ADGRD1: variants seen among roughly 807,000 people sequenced by gnomAD.
The protein encoded by ADGRD1 is G-protein coupled receptor 133.
A neutral mutation model predicts 113.4 loss-of-function variants in ADGRD1; 77 were observed. The ratio of observed to expected loss-of-function variants is 0.68; its 90% CI spans 0.57 to 0.82. The LOEUF (loss-of-function observed/expected upper bound fraction) is 0.82. ADGRD1 is among the 40% of genes least tolerant of loss of function. ADGRD1 has a pLI of 0.00. For missense variants in ADGRD1, 1,036 were observed against 1,139.1 expected (o/e 0.91, Z 1.30); for synonymous variants, 474 against 475.0 (o/e 1.00, Z 0.03).
intron 12 of ADGRD1, among the ~76,000 whole-genome samples, chr12:131,007,483 G>A (rs1037671250): frequency 2.0e-5 from 3 of 152,232 alleles, no homozygotes; most frequent in Non-Finnish European, 2.9e-5. Context: ...GCTCTGGGGA[G>A]CCCACAGCCT....
rs1293208943 is a variant in ADGRD1 at position 131,113,534 on chromosome 12, A to G, written c.2041+4657A>G. On this transcript the variant is annotated intron_variant, in intron 18 of 24. Coordinates refer to ENST00000261654, the MANE Select transcript of ADGRD1 (RefSeq NM_198827.5). The surrounding 1 kb of genome is among the most constrained non-coding windows in gnomAD (Gnocchi z 4.9). The stretch of plus-strand genomic sequence containing the variant: ...TTAATTTTCACAGTCTTTGTTATGC[A>G]AGTAGCAGGTAAACAGGCTTACTTT... Among the ~76,000 whole-genome samples the G allele has an allele frequency of 6.6e-6, 1 of 152,220 alleles. No individual in the cohort carries two copies. The highest frequency in any genetic ancestry group is 1.5e-5 in the Non-Finnish European group (1 of 68,022).
intron 13 of ADGRD1, among the ~76,000 whole-genome samples, chr12:131,059,918 CG>C (rs1192308398): frequency 6.6e-6 from 1 of 151,964 alleles, no homozygotes. Flanking sequence ...GAGATTTTTC[CG>C]GTTCTCGGTA....
chr12:130,975,493 T>G lies in ADGRD1; in HGVS notation c.310+3913T>G, dbSNP rs544912080. Among the ~76,000 whole-genome samples, 56 of 152,274 alleles carry G rather than the reference T, an allele frequency of 3.7e-4. 1 individual carries two copies. The South Asian group carries it at 0.011, about 29-fold the overall frequency. ...GGGCCATTCACGACTCCTAGAGAAA[T>G]CATTTCCCCTACATTGAACCTATAG... On this transcript the variant is annotated intron_variant, in intron 4 of 24. Transcript: ENST00000261654.
At chr12:131,056,833 C>T (rs374187163) in intron 13 of ADGRD1, among the ~76,000 whole-genome samples, 34 of 152,248 alleles carry the variant, frequency 2.2e-4, no homozygotes, top group South Asian at 1.0e-3. Flanking sequence ...ACAAAGCACA[C>T]GCTTCTGGAT....
At chr12:130,996,772 T>G in intron 8 of ADGRD1, among the ~76,000 whole-genome samples, 1 of 78,026 alleles carries the variant, frequency 1.3e-5, no homozygotes, top group African/African-American at 4.9e-5. Flanking sequence ...CACTTCCCAG[T>G]AGGGGTGGCC....
At chr12:131,059,855 T>C (rs577924880) in intron 13 of ADGRD1, among the ~76,000 whole-genome samples, 35 of 152,372 alleles carry the variant, frequency 2.3e-4, no homozygotes, top group African/African-American at 8.2e-4. Context: ...TTAATTTCAC[T>C]GTCTGCATCA....
At position 131,022,042 on chromosome 12, in the gene ADGRD1, AG is replaced by A. The variant is rs1433404219; in HGVS notation, c.1473+7705del. Among the ~76,000 whole-genome samples the A allele has an allele frequency of 7.9e-5, 12 of 152,130 alleles. No individual in the cohort carries two copies. The highest frequency in any genetic ancestry group is 5.9e-4 in the Admixed American group (9 of 15,278). ...ATAAGGATACTGGTCACGTTGGATT[AG>A]GGCCTACTCTAATGACCTCATTTTA... On this transcript the variant is annotated intron_variant, in intron 13 of 24. Transcript: ENST00000261654. This position sits in a 1 kb window ranked among gnomAD's most constrained non-coding sequence, Gnocchi z 4.6.
intron 21 of ADGRD1, 43 bp downstream of exon 21, chr12:131,131,859 C>A: frequency 1.6e-6 from 2 of 1,274,024 alleles, no homozygotes; most frequent in South Asian, 1.2e-5. Flanking sequence ...GGCCCTTCTG[C>A]CCCCAGAGGA....
chr12:131,119,400 C>A (rs1355782879), intron 19 of ADGRD1, among the ~76,000 whole-genome samples: 1 of 152,218 alleles, frequency 6.6e-6, no homozygotes, highest in Non-Finnish European at 1.5e-5. Flanking sequence ...ATTCTGGATG[C>A]TGTTAGAAGT....
intron 3 of ADGRD1, chr12:130,967,174 CAT>C: frequency 2.5e-6 from 1 of 400,962 alleles, no homozygotes; most frequent in Non-Finnish European, 5.3e-6. Context: ...GACCAACTCA[CAT>C]GTTTGAAGGG....
chr12:131,031,577 C>A (rs1420899186), intron 13 of ADGRD1, among the ~76,000 whole-genome samples: 1 of 152,154 alleles, frequency 6.6e-6, no homozygotes, highest in Admixed American at 6.5e-5. Flanking sequence ...GCCCCCCCAC[C>A]CTTCCTTCAG....
intron 21 of ADGRD1, among the ~76,000 whole-genome samples, chr12:131,135,621 C>T (rs997796076): frequency 1.3e-5 from 2 of 152,220 alleles, no homozygotes; most frequent in Admixed American, 6.5e-5. Context: ...TCATTGCACC[C>T]TTCCAAGCGT....
chr12:131,010,907 G>A (rs1292785096), intron 12 of ADGRD1, among the ~76,000 whole-genome samples: 2 of 152,180 alleles, frequency 1.3e-5, no homozygotes, highest in African/African-American at 4.8e-5. Context: ...CTGGTAGGCT[G>A]AGGGAAAAGA....
intron 14 of ADGRD1, among the ~76,000 whole-genome samples, chr12:131,082,046 T>G (rs1886108133): frequency 6.6e-6 from 1 of 152,152 alleles, no homozygotes; most frequent in African/African-American, 2.4e-5. Flanking sequence ...TCCCCAGTAA[T>G]AACCACGGTG....
At position 131,136,965 on chromosome 12, in the gene ADGRD1, C is replaced by T; in HGVS notation, c.2395-8C>T. On this transcript the variant is annotated splice_polypyrimidine_tract_variant and splice_region_variant and intron_variant, in intron 22 of 24. Coordinates refer to ENST00000261654, the MANE Select transcript of ADGRD1 (RefSeq NM_198827.5). ...TCTAATCTCTGCGTTTCTTCCCTTTCTTCCCAGGGACTGTTCATATTCCTC... is the reference window on the plus strand; with the variant it reads ...TCTAATCTCTGCGTTTCTTCCCTTTTTTCCCAGGGACTGTTCATATTCCTC... 1.2e-6 allele frequency: 2 copies of T among 1,608,008 alleles called. No individual in the cohort carries two copies. Among genetic ancestry groups the T allele is most frequent in the South Asian group, 2.2e-5 (2 of 90,994 alleles).
chr12:131,040,900 G>A (rs1451136436), intron 13 of ADGRD1, among the ~76,000 whole-genome samples: 1 of 152,216 alleles, frequency 6.6e-6, no homozygotes, highest in Non-Finnish European at 1.5e-5. Context: ...TACATCAGAC[G>A]ATTCTTACCT....
At chr12:131,067,403 G>C (rs759126767) in intron 13 of ADGRD1, among the ~76,000 whole-genome samples, 1 of 152,238 alleles carries the variant, frequency 6.6e-6, no homozygotes, top group Non-Finnish European at 1.5e-5. Flanking sequence ...GCGTCATCAG[G>C]GTCAGCCCAG....
Position 130,987,365 on chromosome 12 carries a change from G to A in ADGRD1, c.745+16G>A, listed in dbSNP as rs749755466. ...GCTGCCATTGGTCAGTGAGTGTGAA[G>A]GGCTGGGGCAGATCCGCTGTCTGTT... On this transcript the variant is annotated intron_variant, in intron 6 of 24. Coordinates refer to ENST00000261654, the MANE Select transcript of ADGRD1 (RefSeq NM_198827.5). 3 of 1,613,358 alleles carry A rather than the reference G, an allele frequency of 1.9e-6. No homozygotes were observed. Among genetic ancestry groups the A allele is most frequent in the Non-Finnish European group, 2.5e-6 (3 of 1,179,758 alleles).
chr12:131,108,911 G>C, intron 18 of ADGRD1, 34 bp downstream of exon 18: 2 of 1,330,094 alleles, frequency 1.5e-6, no homozygotes, highest in Non-Finnish European at 2.1e-6. Context: ...ATGGCGGGGC[G>C]GGAGGGACAG....
Sources: gnomAD v4.1 joint callset for allele counts (sites outside exome capture counted in the v4.1 genomes callset) on GRCh38, gnomAD v4.1.1 for gene constraint, Gnocchi (gnomAD v3.1) non-coding constraint, MANE v1.5 for transcripts, NCBI Gene and HGNC (gene_info 2026-07-23, HGNC 2026-07-21) for gene names.